Variants in SYNPR observed in about 807,000 individuals in gnomAD.
The protein encoded by SYNPR is synaptoporin.
Under a neutral mutation model 32.9 loss-of-function variants are expected in SYNPR, and 23 were observed. That is an observed-to-expected ratio of 0.70 (90% confidence interval 0.50 to 0.99). The LOEUF is 0.99. SYNPR is among the 50% of genes least tolerant of loss of function. The pLI is 0.00. For missense variants in SYNPR, 318 were observed against 349.3 expected (o/e 0.91, Z 0.71); for synonymous variants, 146 against 135.9 (o/e 1.07, Z -0.52).
Position 63,540,930 on chromosome 3 carries a change from AACACACACAC to A in SYNPR, c.210-15591_210-15582del, listed in dbSNP as rs58295090. On this transcript the variant is annotated intron_variant, in intron 3 of 5. Coordinates refer to ENST00000478300, the MANE Select transcript of SYNPR (RefSeq NM_001130003.2). ...CACACACACACACAATCCCCCCCCC[AACACACACAC>A]ACACACACACACACACACACATATA... Among the ~76,000 whole-genome samples the A allele has an allele frequency of 2.3e-3, 284 of 122,856 alleles. 3 individuals carry two copies. Among genetic ancestry groups the A allele is most frequent in the African/African-American group, 8.8e-3 (274 of 31,016 alleles). The allele number at this position is 122,856 out of a possible 152,430, so 80.6% of individuals were successfully genotyped here. A position where few individuals can be genotyped will look rare whatever the true frequency, so the allele number is the denominator to read the frequency against.
intron 3 of SYNPR, among the ~76,000 whole-genome samples, chr3:63,517,773 A>G (rs1701827905): frequency 6.6e-6 from 1 of 152,174 alleles, no homozygotes; most frequent in Non-Finnish European, 1.5e-5. Flanking sequence ...ATGAGGTCAG[A>G]AGGGAGAGGC....
intron 2 of SYNPR, among the ~76,000 whole-genome samples, chr3:63,355,001 A>G (rs1359735451): frequency 1.3e-5 from 2 of 152,230 alleles, no homozygotes; most frequent in African/African-American, 4.8e-5. Context: ...AGAGCAGGCC[A>G]GGAATGGTGG....
intron 3 of SYNPR, among the ~76,000 whole-genome samples, chr3:63,485,896 G>C (rs1701139544): frequency 6.6e-6 from 1 of 152,164 alleles, no homozygotes. Context: ...TCCATGTCTT[G>C]AGACCTCATC....
intron 3 of SYNPR, among the ~76,000 whole-genome samples, chr3:63,520,393 G>A (rs780464659): frequency 3.3e-5 from 5 of 152,122 alleles, no homozygotes; most frequent in Non-Finnish European, 4.4e-5. Context: ...CAGGGTAATC[G>A]GCCGGGTGCG....
intron 2 of SYNPR, among the ~76,000 whole-genome samples, chr3:63,335,340 G>A (rs565498460): frequency 7.6e-4 from 97 of 127,684 alleles, no homozygotes; most frequent in African/African-American, 2.8e-3. Flanking sequence ...GCAACAGAGC[G>A]AGACTCCGTC....
intron 1 of SYNPR, among the ~76,000 whole-genome samples, chr3:63,249,860 G>A (rs1047483954): frequency 2.6e-5 from 4 of 151,972 alleles, no homozygotes; most frequent in Non-Finnish European, 5.9e-5. Context: ...CTTGCTTTGG[G>A]GGATGAATGA....
chr3:63,201,159 G>C, the SYNPR span, among the ~76,000 whole-genome samples: 1 of 152,150 alleles, frequency 6.6e-6, no homozygotes, highest in African/African-American at 2.4e-5. Context: ...GCCTGTTTAT[G>C]CTTCAATATT....
chr3:63,395,446 T>C (rs2088198933), intron 2 of SYNPR, among the ~76,000 whole-genome samples: 1 of 152,216 alleles, frequency 6.6e-6, no homozygotes, highest in Non-Finnish European at 1.5e-5. Context: ...GTTTATTCAG[T>C]AATTGCTGTG....
intron 4 of SYNPR, among the ~76,000 whole-genome samples, chr3:63,601,360 T>C (rs1243490991): frequency 6.6e-6 from 1 of 152,178 alleles, no homozygotes. Flanking sequence ...TTTTTAAACT[T>C]TTATTTTATG....
At chr3:63,326,692 G>C (rs1868880) in intron 2 of SYNPR, among the ~76,000 whole-genome samples, 68,324 of 151,854 alleles carry the variant, frequency 0.45, 15,496 homozygotes, top group Middle Eastern at 0.52. Context: ...AGTGTCTTCT[G>C]CATTATTTAT....
At chr3:63,273,562 T>C (rs1354831241), upstream of SYNPR, among the ~76,000 whole-genome samples, 2 of 152,322 alleles carry the variant, frequency 1.3e-5, no homozygotes, top group East Asian at 3.9e-4. Flanking sequence ...GTTTTGGTCC[T>C]CTGATTTGCA....
chr3:63,263,207 G>T (rs1409581718), intron 2 of SYNPR, among the ~76,000 whole-genome samples: 1 of 152,172 alleles, frequency 6.6e-6, no homozygotes, highest in Non-Finnish European at 1.5e-5. Context: ...ATTTATAAAT[G>T]TTTGTTCAAT....
the SYNPR span, among the ~76,000 whole-genome samples, chr3:63,218,613 C>A: frequency 6.6e-6 from 1 of 152,148 alleles, no homozygotes; most frequent in Non-Finnish European, 1.5e-5. Flanking sequence ...TGCTTTTTGC[C>A]TCTTAAGAAA....
At chr3:63,292,661 C>T (rs899892613) in intron 2 of SYNPR, among the ~76,000 whole-genome samples, 1 of 152,270 alleles carries the variant, frequency 6.6e-6, no homozygotes, top group South Asian at 2.1e-4. Context: ...ACATAGGAAA[C>T]ATTTAAAACA....
chr3:63,560,327 A>C (rs1702665127), intron 4 of SYNPR, among the ~76,000 whole-genome samples: 1 of 152,218 alleles, frequency 6.6e-6, no homozygotes, highest in Non-Finnish European at 1.5e-5. Flanking sequence ...GCAAAGAGCA[A>C]ACCACATCGA....
At chr3:63,399,751 C>T (rs2088264787) in intron 2 of SYNPR, among the ~76,000 whole-genome samples, 1 of 152,160 alleles carries the variant, frequency 6.6e-6, no homozygotes, top group Non-Finnish European at 1.5e-5. Flanking sequence ...CATAATTGTA[C>T]ATCCACATTC....
intron 2 of SYNPR, among the ~76,000 whole-genome samples, chr3:63,293,422 G>A (rs1560182106): frequency 6.6e-6 from 1 of 152,144 alleles, no homozygotes; most frequent in Non-Finnish European, 1.5e-5. Flanking sequence ...ATTACCCAGT[G>A]TTCTTCCACT....
chr3:63,548,536 C>T (rs1702450901), intron 3 of SYNPR, among the ~76,000 whole-genome samples: 1 of 152,112 alleles, frequency 6.6e-6, no homozygotes, highest in African/African-American at 2.4e-5. Flanking sequence ...CACACATACA[C>T]ATACATATGG....
At chr3:63,289,792 CAT>C (rs374213131) in intron 2 of SYNPR, among the ~76,000 whole-genome samples, 241 of 152,250 alleles carry the variant, frequency 1.6e-3, no homozygotes, top group Middle Eastern at 0.01. Context: ...GTGCTATGCA[CAT>C]GTTTTTCATA....
Sources: gnomAD v4.1 joint callset for allele counts (sites outside exome capture counted in the v4.1 genomes callset) on GRCh38, gnomAD v4.1.1 for gene constraint, MANE v1.5 for transcripts, NCBI Gene and HGNC (gene_info 2026-07-23, HGNC 2026-07-21) for gene names.